The following TAAR1 variants were observed in gnomAD, a reference collection of about 807,000 sequenced individuals.
TAAR1 encodes the protein trace amine associated receptor 1, also known as trace amine-associated receptor 1.
Under a neutral mutation model 1.2 loss-of-function variants are expected in TAAR1, and 1 was observed. The observed-to-expected ratio is 0.81, with a 90% CI of 0.29 to 3.86. The LOEUF (loss-of-function observed/expected upper bound fraction) is 3.86. TAAR1 is among the 30% of genes most tolerant of loss of function. The pLI, the probability that TAAR1 is intolerant of heterozygous loss-of-function variation, is 0.18. For synonymous variants in TAAR1, 153 were observed against 132.2 expected, an observed-to-expected ratio of 1.16 and a Z score of -1.08; for missense variants, 445 against 405.6, an observed-to-expected ratio of 1.10 and a Z score of -0.83.
At chr6:132,657,304 A>G (rs1441061762) in intron 1 of TAAR1, among the ~76,000 whole-genome samples, 1 of 152,174 alleles carries the variant, frequency 6.6e-6, no homozygotes, top group East Asian at 1.9e-4. Flanking sequence ...TGTTTGAATC[A>G]GCTCCGTTCA....
rs1777638681 is a variant in TAAR1 at position 132,644,604 on chromosome 6, A to G, written c.*380T>C. On this transcript the variant is annotated 3_prime_UTR_variant, in exon 2 of 2. Coordinates refer to ENST00000275216, the MANE Select transcript of TAAR1 (RefSeq NM_138327.4). The stretch of plus-strand genomic sequence containing the variant: ...ACTTATACACATATGTGACCAGGAC[A>G]TGTATACGTATATGACAAAATCATT... Among the ~76,000 whole-genome samples the G allele has an allele frequency of 6.6e-6, 1 of 152,102 alleles. No homozygotes were observed. Among genetic ancestry groups the G allele is most frequent in the Admixed American group, 6.6e-5 (1 of 15,246 alleles).
At chr6:132,648,560 G>C (rs1025172906) in intron 1 of TAAR1, among the ~76,000 whole-genome samples, 1 of 152,148 alleles carries the variant, frequency 6.6e-6, no homozygotes, top group South Asian at 2.1e-4. Flanking sequence ...CAAGCCTTAG[G>C]CACAGTATCT....
chr6:132,657,434 TTAAA>T (rs1777816707), intron 1 of TAAR1, among the ~76,000 whole-genome samples: 1 of 151,876 alleles, frequency 6.6e-6, no homozygotes, highest in Admixed American at 6.6e-5. Context: ...TAACAAGATG[TTAAA>T]TAAAATGATC....
intron 1 of TAAR1, among the ~76,000 whole-genome samples, chr6:132,650,247 A>C (rs1777735991): frequency 6.6e-6 from 1 of 151,860 alleles, no homozygotes; most frequent in Admixed American, 6.6e-5. Context: ...TATTTTACAC[A>C]CCTTTCCACT....
At position 132,645,193 on chromosome 6, in the gene TAAR1, T is replaced by C. The variant is rs754107702; in HGVS notation, c.811A>G (p.Thr271Ala). 1 of 1,613,424 alleles carries C rather than the reference T, an allele frequency of 6.2e-7. No homozygotes were observed. The highest frequency in any genetic ancestry group is 8.5e-7 in the Non-Finnish European group (1 of 1,179,692). ...TAGTGAAGAAAAGGGTCCATGACTG[T>C]ACAGATAAAGAAAGGGCACCAGCAT... Reference protein sequence around the residue: ...LICWCPFFICTVMDPFLHYII... With the variant: ...LICWCPFFICAVMDPFLHYII... Residue 271 changes from threonine to alanine, a missense_variant, in exon 2 of 2, where the codon ACA (threonine) becomes GCA (alanine). Physicochemically the swap from Thr to Ala is moderately conservative, Grantham distance 58. Coordinates refer to ENST00000275216, the MANE Select transcript of TAAR1 (RefSeq NM_138327.4).
Position 132,645,951 on chromosome 6 carries a change from C to A in TAAR1, c.53G>T (p.Trp18Leu). 1 of 1,610,388 alleles carries A rather than the reference C, an allele frequency of 6.2e-7. No homozygotes were observed. The highest frequency in any genetic ancestry group is 8.5e-7 in the Non-Finnish European group (1 of 1,177,586). The change falls in exon 2 of 2, where the codon TGG becomes TTG. Residue 18 changes from tryptophan (W) to leucine (L), a missense_variant. By Grantham distance (61) the Trp-to-Leu change is moderately conservative (BLOSUM62 -2). Transcript: ENST00000275216. ...CAGGGAAGCACGGACATCATTTGAC[C>A]AGTTGTTTTTCACACAGGAAATATT... ...IINISCVKNN[W>L]SNDVRASLYS...
intron 1 of TAAR1, among the ~76,000 whole-genome samples, chr6:132,658,382 C>T (rs917765567): frequency 6.6e-6 from 1 of 151,972 alleles, no homozygotes; most frequent in Non-Finnish European, 1.5e-5. Context: ...AAACAGTCAC[C>T]AGCAATATTA....
rs780826282 is a variant in TAAR1, at chr6:132,647,619, AAAAGGAAAGAAAG to A, written c.-126-1503_-126-1491del. On this transcript the variant is annotated intron_variant, in intron 1 of 1. Coordinates refer to ENST00000275216, the MANE Select transcript of TAAR1 (RefSeq NM_138327.4). Reference sequence around the variant, plus strand: ...AAGAGAAAGAAAAAAGAAAGAAAGAAAAAGGAAAGAAAGAAAGAAAGAAAGAAAGAAAGAAAGA... The same window carrying A: ...AAGAGAAAGAAAAAAGAAAGAAAGAAAAAGAAAGAAAGAAAGAAAGAAAGA... Among the ~76,000 whole-genome samples the A allele has an allele frequency of 5.7e-3, 666 of 116,004 alleles. 12 individuals carry two copies. The highest frequency in any genetic ancestry group is 7.7e-3 in the Non-Finnish European group (429 of 55,874). The allele number at this position is 116,004 out of a possible 152,430, so 76.1% of individuals were successfully genotyped here.
At chr6:132,647,150 A>G (rs1043480148) in intron 1 of TAAR1, among the ~76,000 whole-genome samples, 6 of 152,068 alleles carry the variant, frequency 3.9e-5, no homozygotes, top group African/African-American at 1.2e-4. Flanking sequence ...TTTAGTTTTT[A>G]AGTTCTGAAA....
chr6:132,645,768 T>C lies in TAAR1; in HGVS notation c.236A>G (p.Tyr79Cys). 7 of 1,613,728 alleles carry C rather than the reference T, an allele frequency of 4.3e-6. No homozygotes were observed. Among genetic ancestry groups the C allele is most frequent in the Non-Finnish European group, 5.1e-6 (6 of 1,179,820 alleles). Residue 79 changes from tyrosine to cysteine, a missense_variant, in exon 2 of 2, where the codon TAC becomes TGC. Physicochemically the swap from Tyr to Cys is radical, Grantham distance 194. Coordinates refer to ENST00000275216, the MANE Select transcript of TAAR1 (RefSeq NM_138327.4). The stretch of plus-strand genomic sequence containing the variant: ...GTGCTCAGCAGATCTCACCATACTG[T>C]AAGGCATGACCAGACACCCCAGAAG... ...DFLLGCLVMP[Y>C]SMVRSAEHCW...
At position 132,644,936 on chromosome 6, in the gene TAAR1, A is replaced by G. The variant is rs1777643151; in HGVS notation, c.*48T>C. Reference sequence around the variant, plus strand: ...GCATGTGGTTCGTTATGTTGTGTTCATAAATATGATCATCAACCGATTTGC... The same window carrying G: ...GCATGTGGTTCGTTATGTTGTGTTCGTAAATATGATCATCAACCGATTTGC... On this transcript the variant is annotated 3_prime_UTR_variant, in exon 2 of 2. Transcript: ENST00000275216. 6.9e-7 allele frequency: 1 copy of G among 1,441,786 alleles called. No homozygotes were observed. Among genetic ancestry groups the G allele is most frequent in the Non-Finnish European group, 9.2e-7 (1 of 1,086,142 alleles). 89.3% of individuals were successfully genotyped at this position (1,441,786 alleles called of 1,614,324 possible). A position where few individuals can be genotyped will look rare whatever the true frequency, so the allele number is the denominator to read the frequency against.
chr6:132,645,442 T>C lies in TAAR1; in HGVS notation c.562A>G (p.Lys188Glu). ...ATAAAGGTCAGTACCCCAGATATTT[T>C]GCTAAAGAAGACAGAGCAACCTCCT... ...CRGGCSVFFS[K>E]ISGVLTFMTS... The change falls in exon 2 of 2, where the codon AAA (lysine) becomes GAA (glutamate). Residue 188 changes from lysine to glutamate, a missense_variant. By Grantham distance (56) the Lys-to-Glu change is moderately conservative. Transcript: ENST00000275216. 1.2e-6 allele frequency: 2 copies of C among 1,613,802 alleles called. No individual in the cohort carries two copies. Among genetic ancestry groups the C allele is most frequent in the Non-Finnish European group, 8.5e-7 (1 of 1,179,828 alleles).
intron 1 of TAAR1, among the ~76,000 whole-genome samples, chr6:132,648,332 C>A (rs1175628546): frequency 6.6e-6 from 1 of 152,096 alleles, no homozygotes. Context: ...TTCCTGATGT[C>A]ATATTGAGTA....
chr6:132,650,738 T>C (rs1211607371), intron 1 of TAAR1, among the ~76,000 whole-genome samples: 1 of 152,158 alleles, frequency 6.6e-6, no homozygotes, highest in African/African-American at 2.4e-5. Context: ...ATCACAGGCC[T>C]TTCCTCAGAT....
At chr6:132,652,006 G>T (rs1378253232) in intron 1 of TAAR1, among the ~76,000 whole-genome samples, 1 of 152,154 alleles carries the variant, frequency 6.6e-6, no homozygotes, top group Non-Finnish European at 1.5e-5. Flanking sequence ...ATGTGAGGCT[G>T]CATTCTGCCC....
At chr6:132,659,041 T>A (rs1401442267) in intron 1 of TAAR1, among the ~76,000 whole-genome samples, 89 bp downstream of exon 1, 1 of 149,100 alleles carries the variant, frequency 6.7e-6, no homozygotes, top group Non-Finnish European at 1.5e-5. Context: ...AATCTCATTA[T>A]CTTTAGCATT....
chr6:132,658,772 T>G (rs1031405540), intron 1 of TAAR1, among the ~76,000 whole-genome samples: 1 of 152,202 alleles, frequency 6.6e-6, no homozygotes, highest in African/African-American at 2.4e-5. Flanking sequence ...AATTTCTTTC[T>G]TCATTAACAA....
At chr6:132,647,679 A>AGAAGGAAG (rs1466607504) in intron 1 of TAAR1, among the ~76,000 whole-genome samples, 2 of 148,376 alleles carry the variant, frequency 1.3e-5, no homozygotes, top group Admixed American at 6.7e-5. Flanking sequence ...AAAGAAAGAA[A>AGAAGGAAG]GAAGAAAGAA....
Position 132,645,927 on chromosome 6 carries a change from A to G in TAAR1, c.77T>C (p.Leu26Pro), listed in dbSNP as rs368133802. The part of the protein sequence containing the change: ...NNWSNDVRAS[L>P]YSLMVLIILT... ...AATTATGAGCACCATTAAACTGTAC[A>G]GGGAAGCACGGACATCATTTGACCA... The change falls in exon 2 of 2, where the codon CTG becomes CCG. Residue 26 changes from leucine to proline, a missense_variant. Transcript: ENST00000275216. The G allele has an allele frequency of 1.2e-6, 2 of 1,613,420 alleles. No individual in the cohort carries two copies. The highest frequency in any genetic ancestry group is 1.3e-5 in the African/African-American group (1 of 75,006).
Sources: allele counts gnomAD v4.1 joint callset (sites outside exome capture counted in the v4.1 genomes callset), GRCh38; gene constraint gnomAD v4.1.1; transcripts MANE v1.5; gene names NCBI Gene and HGNC (gene_info 2026-07-23, HGNC 2026-07-21).